CAST: variants seen among roughly 807,000 people sequenced by gnomAD.
CAST encodes MIR583 host.
CAST carries 76 observed loss-of-function variants against 119.6 expected under a neutral mutation model. That is an observed-to-expected ratio of 0.64 (90% CI 0.53 to 0.77). The LOEUF is 0.77. CAST is among the 30% of genes least tolerant of loss of function. The pLI is 0.00. For synonymous variants in CAST, 319 were observed against 331.6 expected (o/e 0.96, Z 0.41); for missense variants, 953 against 946.5 (o/e 1.01, Z -0.09).
At chr5:96,421,534 CTAAGAG>C in the CAST span, among the ~76,000 whole-genome samples, 1 of 152,100 alleles carries the variant, frequency 6.6e-6, no homozygotes, top group Non-Finnish European at 1.5e-5. Flanking sequence ...AAGCATGTTG[CTAAGAG>C]TAAAAGATTC....
chr5:96,054,817 G>A, the CAST span, among the ~76,000 whole-genome samples: 1 of 152,148 alleles, frequency 6.6e-6, no homozygotes, highest in African/African-American at 2.4e-5. Flanking sequence ...GCACTGTGGT[G>A]TGTGAAGAGC....
intron 2 of CAST, among the ~76,000 whole-genome samples, chr5:96,682,500 C>A (rs59380160): frequency 6.6e-6 from 1 of 152,022 alleles, no homozygotes; most frequent in Non-Finnish European, 1.5e-5. Flanking sequence ...AGGATGTACA[C>A]TTTTGTCTGA....
the CAST span, among the ~76,000 whole-genome samples, chr5:96,508,703 T>G: frequency 6.6e-6 from 1 of 152,174 alleles, no homozygotes; most frequent in South Asian, 2.1e-4. Flanking sequence ...ATTGTGGAAG[T>G]TGGAGGGTCT....
At chr5:96,458,387 A>G in the CAST span, among the ~76,000 whole-genome samples, 2 of 152,128 alleles carry the variant, frequency 1.3e-5, no homozygotes, top group Non-Finnish European at 1.5e-5. Flanking sequence ...AGAAGCTTAG[A>G]TCTAGAGAAG....
At chr5:96,359,176 C>G in the CAST span, among the ~76,000 whole-genome samples, 1 of 152,126 alleles carries the variant, frequency 6.6e-6, no homozygotes, top group African/African-American at 2.4e-5. Flanking sequence ...TTCTTGCTTT[C>G]CATTTGCTTG....
At chr5:96,398,969 C>A in the CAST span, 9 of 1,612,174 alleles carry the variant, frequency 5.6e-6, no homozygotes, top group Non-Finnish European at 6.8e-6. Context: ...GACTTGATAG[C>A]ATTTTCTTGT....
At chr5:96,043,787 G>A in the CAST span, among the ~76,000 whole-genome samples, 77 of 152,270 alleles carry the variant, frequency 5.1e-4, no homozygotes, top group Middle Eastern at 6.8e-3. Context: ...TATCCTGATT[G>A]GTTTAGATGA....
the CAST span, among the ~76,000 whole-genome samples, chr5:96,274,662 A>G: frequency 6.6e-6 from 1 of 152,218 alleles, no homozygotes; most frequent in African/African-American, 2.4e-5. Context: ...GGGTGCAACA[A>G]TGAGAAGAGA....
the CAST span, among the ~76,000 whole-genome samples, chr5:96,036,715 T>C: frequency 6.6e-6 from 1 of 152,200 alleles, no homozygotes; most frequent in Non-Finnish European, 1.5e-5. Flanking sequence ...AATTAATATT[T>C]AAGACCATAC....
At position 96,740,107 on chromosome 5, in the gene CAST, G is replaced by A. The variant is rs1420863608; in HGVS notation, c.868G>A (p.Glu290Lys). ...AGTCACAATTCCTCCAAAATATAGG[G>A]AACTATTGGCTGTAAGTTAAATAAT... Reference protein sequence around the residue: ...REVTIPPKYRELLAKKEGITG... With the variant: ...REVTIPPKYRKLLAKKEGITG... The change falls in exon 12 of 32, where the codon GAA becomes AAA. Residue 290 changes from glutamate to lysine, a missense_variant. By Grantham distance (56) the Glu-to-Lys change is moderately conservative. Coordinates refer to ENST00000675179, the MANE Select transcript of CAST (RefSeq NM_001750.7). 2.0e-6 allele frequency: 3 copies of A among 1,485,646 alleles called. No homozygotes were observed. The highest frequency in any genetic ancestry group is 2.8e-5 in the African/African-American group (2 of 71,934). The allele number at this position is 1,485,646 out of a possible 1,614,324, so 92.0% of individuals were successfully genotyped here.
At chr5:95,976,084 C>A in the CAST span, among the ~76,000 whole-genome samples, 1 of 151,896 alleles carries the variant, frequency 6.6e-6, no homozygotes, top group Admixed American at 6.6e-5. Context: ...GAGTCCTCCC[C>A]CTCTAATTCA....
chr5:96,401,447 G>A, the CAST span, among the ~76,000 whole-genome samples: 1 of 152,212 alleles, frequency 6.6e-6, no homozygotes, highest in East Asian at 1.9e-4. Flanking sequence ...TGCCAGAAAG[G>A]GAGCTTATAC....
At chr5:96,530,895 T>C (rs1332784500) in intron 1 of CAST, among the ~76,000 whole-genome samples, 2 of 152,098 alleles carry the variant, frequency 1.3e-5, no homozygotes, top group East Asian at 3.9e-4. Flanking sequence ...TGGGCTTAGG[T>C]GATCCTGCCA....
the CAST span, among the ~76,000 whole-genome samples, chr5:96,207,687 G>A: frequency 6.6e-6 from 1 of 152,062 alleles, no homozygotes; most frequent in Non-Finnish European, 1.5e-5. Flanking sequence ...TGTACTGCTG[G>A]ATTTGGTTTG....
At chr5:96,560,827 T>C (rs916383198) in intron 1 of CAST, among the ~76,000 whole-genome samples, 3 of 152,148 alleles carry the variant, frequency 2.0e-5, no homozygotes, top group Non-Finnish European at 4.4e-5. Context: ...AGAAATACCA[T>C]TTGACCCAGC....
chr5:96,051,917 CCCAGAAAA>C, the CAST span, among the ~76,000 whole-genome samples: 3 of 152,048 alleles, frequency 2.0e-5, no homozygotes, highest in Non-Finnish European at 4.4e-5. Flanking sequence ...AATCTAAAAT[CCCAGAAAA>C]CCATTTATAA....
intron 1 of CAST, chr5:96,545,381 A>T (rs1338615975): frequency 6.6e-6 from 1 of 152,218 alleles, no homozygotes; most frequent in African/African-American, 2.4e-5. Flanking sequence ...TATGAAATGA[A>T]GCAATGATAT....
chr5:96,488,327 C>A, the CAST span, among the ~76,000 whole-genome samples: 1 of 152,040 alleles, frequency 6.6e-6, no homozygotes. Flanking sequence ...AAGTCACCAC[C>A]AGCATTTAAT....
chr5:96,664,224 GATT>G (rs1248841316), intron 1 of CAST, among the ~76,000 whole-genome samples: 1 of 151,164 alleles, frequency 6.6e-6, no homozygotes, highest in Non-Finnish European at 1.5e-5. Context: ...TTTTTTTTTA[GATT>G]ATTTTTTATT....
Sources: gnomAD v4.1 joint callset for allele counts (sites outside exome capture counted in the v4.1 genomes callset) on GRCh38, gnomAD v4.1.1 for gene constraint, MANE v1.5 for transcripts, NCBI Gene and HGNC (gene_info 2026-07-23, HGNC 2026-07-21) for gene names.